Variants in PDCD6IP observed in about 807,000 individuals in gnomAD.
PDCD6IP encodes the protein programmed cell death 6-interacting protein.
Under a neutral mutation model 103.7 loss-of-function variants are expected in PDCD6IP, and 43 were observed. That is an observed-to-expected ratio of 0.41 (90% CI 0.32 to 0.53). The LOEUF (loss-of-function observed/expected upper bound fraction) is 0.53. Ranked by LOEUF, PDCD6IP falls within the 20% of genes least tolerant of loss-of-function variation. The probability of loss-of-function intolerance (pLI) is 0.16; values close to 1 mark genes in which losing one functional copy is unlikely to be tolerated. For missense variants in PDCD6IP, 871 were observed against 1,036.7 expected, an observed-to-expected ratio of 0.84 and a Z score of 2.20; for synonymous variants, 354 against 378.7, an observed-to-expected ratio of 0.93 and a Z score of 0.76.
Position 33,798,873 on chromosome 3 carries a change from C to T in PDCD6IP, c.145C>T (p.Leu49=), listed in dbSNP as rs374913087. 50 of 1,549,710 alleles carry T rather than the reference C, an allele frequency of 3.2e-5. No homozygotes were observed. In the African/African-American group the frequency reaches 6.4e-4, roughly 20 times the overall value. ...CCGCGCGGCGGAGGAGCTCAGCAAG[C>T]TGCGCCGCGCCGCAGTCGGTCGTCC... ...YCRAAEELSK[L]RRAAVGRPLD... is the part of the protein sequence containing the mutation. Residue 49 remains leucine (L), a synonymous_variant, in exon 1 of 18, where the codon CTG becomes TTG. Transcript: ENST00000307296.
At chr3:33,849,908 A>G (rs2125571376) in intron 12 of PDCD6IP, among the ~76,000 whole-genome samples, 1 of 152,244 alleles carries the variant, frequency 6.6e-6, no homozygotes, top group East Asian at 1.9e-4. Flanking sequence ...TCGTTCATAA[A>G]TTCGTTGTTT....
intron 12 of PDCD6IP, among the ~76,000 whole-genome samples, chr3:33,850,217 A>G (rs73057622): frequency 0.035 from 5,270 of 152,294 alleles, 135 homozygotes; most frequent in Non-Finnish European, 0.055. Context: ...TTGATTGCAC[A>G]GTAACTAAGT....
chr3:33,846,836 C>G (rs1011898832), intron 12 of PDCD6IP, among the ~76,000 whole-genome samples: 4 of 152,174 alleles, frequency 2.6e-5, no homozygotes, highest in African/African-American at 9.7e-5. Context: ...TATTCCAGAA[C>G]AGTGCTGAGC....
chr3:33,861,268 C>T (rs1190927289), intron 15 of PDCD6IP, among the ~76,000 whole-genome samples: 3 of 151,948 alleles, frequency 2.0e-5, no homozygotes, highest in African/African-American at 7.2e-5. Flanking sequence ...CTCAGCCTCC[C>T]GAGTAGCTGG....
At chr3:33,821,923 C>G (rs1177778627) in intron 3 of PDCD6IP, 32 bp from the exon 4 acceptor site, 2 of 1,585,554 alleles carry the variant, frequency 1.3e-6, no homozygotes, top group Non-Finnish European at 1.7e-6. Context: ...AAAAAATAAT[C>G]TGATGAATTT....
chr3:33,798,868 G>T lies in PDCD6IP; in HGVS notation c.140G>T (p.Ser47Ile). 1 of 1,550,580 alleles carries T rather than the reference G, an allele frequency of 6.4e-7. No individual in the cohort carries two copies. The highest frequency in any genetic ancestry group is 8.7e-7 in the Non-Finnish European group (1 of 1,146,526). The change falls in exon 1 of 18, where the codon AGC (serine) becomes ATC (isoleucine). Residue 47 changes from serine to isoleucine, a missense_variant. Ser to Ile is a moderately radical substitution (Grantham distance 142). Coordinates refer to ENST00000307296, the MANE Select transcript of PDCD6IP (RefSeq NM_013374.6). ...AQYCRAAEEL[S>I]KLRRAAVGRP... ...TACTGCCGCGCGGCGGAGGAGCTCA[G>T]CAAGCTGCGCCGCGCCGCAGTCGGT...
At chr3:33,865,759 A>T (rs9858195) in intron 17 of PDCD6IP, among the ~76,000 whole-genome samples, 5,807 of 152,284 alleles carry the variant, frequency 0.038, 100 homozygotes, top group African/African-American at 0.049. Context: ...AGCAAAACTG[A>T]TAAGGCCTTG....
chr3:33,802,041 A>G (rs73826769), intron 1 of PDCD6IP, among the ~76,000 whole-genome samples: 8,470 of 152,230 alleles, frequency 0.056, 769 homozygotes, highest in African/African-American at 0.19. Flanking sequence ...TTAAGATTTT[A>G]TTTTGTAAAA....
At chr3:33,849,212 A>G (rs1332581356) in intron 12 of PDCD6IP, among the ~76,000 whole-genome samples, 2 of 152,162 alleles carry the variant, frequency 1.3e-5, no homozygotes, top group East Asian at 3.8e-4. Flanking sequence ...TTTGTTTACT[A>G]TGCTTCAGCC....
chr3:33,806,012 T>C (rs1696589297), intron 1 of PDCD6IP, among the ~76,000 whole-genome samples: 1 of 152,228 alleles, frequency 6.6e-6, no homozygotes, highest in African/African-American at 2.4e-5. Context: ...CCCAAAGTGC[T>C]GGGATTACAG....
At chr3:33,857,487 A>C (rs1455941073) in intron 15 of PDCD6IP, among the ~76,000 whole-genome samples, 1 of 152,232 alleles carries the variant, frequency 6.6e-6, no homozygotes, top group Non-Finnish European at 1.5e-5. Flanking sequence ...TATTAGTCTT[A>C]ATGATAAAAA....
At chr3:33,806,540 G>C (rs1475759935) in intron 1 of PDCD6IP, among the ~76,000 whole-genome samples, 1 of 152,050 alleles carries the variant, frequency 6.6e-6, no homozygotes, top group Non-Finnish European at 1.5e-5. Context: ...CAATTTTTTT[G>C]CACCATTATT....
chr3:33,864,017 A>C lies in PDCD6IP; in HGVS notation c.2132A>C (p.Gln711Pro), dbSNP rs1289993632. Residue 711 changes from glutamine (Q) to proline (P), a missense_variant, in exon 16 of 18, where the codon CAA becomes CCA. Around this residue, in one of 5 missense-constraint regions of PDCD6IP, gnomAD observed 202 missense variants for 205.2 expected, o/e 0.98. Transcript: ENST00000307296. Reference sequence around the variant, plus strand: ...CTGTCTTTGATAAGGGACTTGCAACAAAGCATTGCCAGAGAACCTAGTGCT... The same window carrying C: ...CTGTCTTTGATAAGGGACTTGCAACCAAGCATTGCCAGAGAACCTAGTGCT... ...ERDELLKDLQ[Q>P]SIAREPSAPS... is the part of the protein sequence containing the mutation. 1 of 1,612,986 alleles carries C rather than the reference A, an allele frequency of 6.2e-7. No individual in the cohort carries two copies. Among genetic ancestry groups the C allele is most frequent in the Admixed American group, 1.7e-5 (1 of 59,964 alleles).
In PDCD6IP at chr3:33,865,392, G is replaced by A. The variant is rs762582371; in HGVS notation, c.2394G>A (p.Ala798=). The A allele has an allele frequency of 1.0e-5, 16 of 1,598,996 alleles. No homozygotes were observed. Among genetic ancestry groups the A allele is most frequent in the South Asian group, 4.5e-5 (4 of 88,810 alleles). The part of the protein sequence containing the change: ...QTPGSAPPPQ[A]QGPPYPTYPG... ...CTGGCTCAGCTCCTCCTCCACAGGC[G>A]CAGGGACCACCCTATCCCACCTATC... Residue 798 remains alanine (A), a synonymous_variant, in exon 17 of 18, where the codon GCG becomes GCA. Coordinates refer to ENST00000307296, the MANE Select transcript of PDCD6IP (RefSeq NM_013374.6).
chr3:33,864,944 G>A (rs1239823276), intron 16 of PDCD6IP, among the ~76,000 whole-genome samples: 1 of 152,100 alleles, frequency 6.6e-6, no homozygotes, highest in Non-Finnish European at 1.5e-5. Flanking sequence ...AGGAGATGAT[G>A]GTAGTAAACA....
rs184295787 is a variant in PDCD6IP at position 33,837,405 on chromosome 3, C to T, written c.1058-799C>T. 5.6e-4 allele frequency among the ~76,000 whole-genome samples: 86 copies of T among 152,276 alleles called. 1 individual carries two copies. Among genetic ancestry groups the T allele is most frequent in the African/African-American group, 1.9e-3 (78 of 41,554 alleles). ...CAAAGTGTTTACCATGTGCCAGGCA[C>T]TCTTTAAGCACTTTACAAATATTAG... On this transcript the variant is annotated intron_variant, in intron 8 of 17. Coordinates refer to ENST00000307296, the MANE Select transcript of PDCD6IP (RefSeq NM_013374.6).
intron 1 of PDCD6IP, among the ~76,000 whole-genome samples, chr3:33,808,888 T>C (rs1046462162): frequency 6.6e-6 from 1 of 152,246 alleles, no homozygotes; most frequent in African/African-American, 2.4e-5. Context: ...TTGCTCACTC[T>C]ATGATCATAT....
intron 9 of PDCD6IP, among the ~76,000 whole-genome samples, chr3:33,841,149 T>G (rs907375786): frequency 1.3e-5 from 2 of 151,622 alleles, no homozygotes; most frequent in African/African-American, 4.8e-5. Context: ...TGCCTCAGCC[T>G]CCCAAGTAGC....
intron 15 of PDCD6IP, among the ~76,000 whole-genome samples, chr3:33,860,511 A>G (rs2125451215): frequency 6.6e-6 from 1 of 152,350 alleles, no homozygotes; most frequent in East Asian, 1.9e-4. Flanking sequence ...TCAGCACCCT[A>G]AAAGCATTGT....
Sources: gnomAD v4.1 joint callset for allele counts (sites outside exome capture counted in the v4.1 genomes callset) on GRCh38, gnomAD v4.1.1 for gene constraint, gnomAD v4.1.1 regional missense constraint, MANE v1.5 for transcripts, NCBI Gene and HGNC (gene_info 2026-07-23, HGNC 2026-07-21) for gene names.